ARHGEF7: variants seen among roughly 807,000 people sequenced by gnomAD.
The protein encoded by ARHGEF7 is PAK-interacting exchange factor beta.
A neutral mutation model predicts 109.8 loss-of-function variants in ARHGEF7; 33 were observed. That is an observed-to-expected ratio of 0.30 (90% CI 0.23 to 0.40). The LOEUF (loss-of-function observed/expected upper bound fraction) is 0.40, where lower values mean the gene tolerates loss of function less well. Ranked by LOEUF, ARHGEF7 falls within the 10% of genes least tolerant of loss-of-function variation. ARHGEF7 has a pLI of 1.00. For synonymous variants in ARHGEF7, 458 were observed against 424.6 expected, an observed-to-expected ratio of 1.08 and a Z score of -0.97; for missense variants, 938 against 1,098.5, an observed-to-expected ratio of 0.85 and a Z score of 2.07.
intron 1 of ARHGEF7, among the ~76,000 whole-genome samples, chr13:111,148,615 T>C (rs1236993327): frequency 6.6e-6 from 1 of 152,238 alleles, no homozygotes; most frequent in African/African-American, 2.4e-5. Context: ...TCCTCTCTCA[T>C]GATGGCCATT....
intron 6 of ARHGEF7, among the ~76,000 whole-genome samples, chr13:111,234,109 C>T (rs1372715164): frequency 6.6e-6 from 1 of 152,206 alleles, no homozygotes; most frequent in Non-Finnish European, 1.5e-5. Context: ...TCCCAATCTT[C>T]ATTTTCTTCT....
At chr13:111,163,324 G>A (rs2076888436) in intron 2 of ARHGEF7, among the ~76,000 whole-genome samples, 1 of 152,152 alleles carries the variant, frequency 6.6e-6, no homozygotes, top group South Asian at 2.1e-4. Context: ...GTACCTTAGT[G>A]CCTTGCTGTA....
At chr13:111,204,886 T>C (rs982362415) in intron 2 of ARHGEF7, among the ~76,000 whole-genome samples, 1 of 152,354 alleles carries the variant, frequency 6.6e-6, no homozygotes, top group East Asian at 1.9e-4. Flanking sequence ...TTATTTTCTG[T>C]GGCTAGGAAA....
At chr13:111,289,265 C>T (rs61018400) in intron 18 of ARHGEF7, among the ~76,000 whole-genome samples, 3,263 of 152,288 alleles carry the variant, frequency 0.021, 119 homozygotes, top group African/African-American at 0.075. Context: ...AACTCCTGAC[C>T]TCAGGTGATC....
chr13:111,210,315 A>C (rs1015079368), intron 4 of ARHGEF7, among the ~76,000 whole-genome samples: 4 of 152,336 alleles, frequency 2.6e-5, no homozygotes, highest in African/African-American at 7.2e-5. Context: ...ATTATCAGCT[A>C]TGCACATGTA....
intron 8 of ARHGEF7, among the ~76,000 whole-genome samples, chr13:111,254,638 C>A (rs1459872822): frequency 6.9e-5 from 9 of 130,550 alleles, no homozygotes; most frequent in Non-Finnish European, 1.5e-4. Context: ...AGGCCGGGCC[C>A]AGAAGAGGAT....
intron 2 of ARHGEF7, among the ~76,000 whole-genome samples, chr13:111,198,824 T>C (rs1650542001): frequency 6.6e-6 from 1 of 152,212 alleles, no homozygotes; most frequent in Admixed American, 6.5e-5. Context: ...GCCCACGTCC[T>C]GCTGATTGGT....
At chr13:111,246,830 A>T (rs2088936764) in intron 8 of ARHGEF7, among the ~76,000 whole-genome samples, 1 of 152,234 alleles carries the variant, frequency 6.6e-6, no homozygotes, top group Non-Finnish European at 1.5e-5. Context: ...ATGTGGTCTA[A>T]CAAATTATTA....
At chr13:111,280,053 G>A (rs554028658) in intron 13 of ARHGEF7, among the ~76,000 whole-genome samples, 12 of 152,170 alleles carry the variant, frequency 7.9e-5, no homozygotes, top group Admixed American at 6.5e-4. Context: ...GTCCCTTGTC[G>A]CCAGTTGAGT....
intron 8 of ARHGEF7, among the ~76,000 whole-genome samples, chr13:111,264,521 C>T (rs2091420188): frequency 6.6e-6 from 1 of 152,230 alleles, no homozygotes; most frequent in Middle Eastern, 3.4e-3. Flanking sequence ...CCTTAGCCTC[C>T]TTGTGCTGTG....
intron 5 of ARHGEF7, among the ~76,000 whole-genome samples, chr13:111,218,578 A>G (rs9522159): frequency 0.46 from 69,441 of 152,012 alleles, 16,582 homozygotes; most frequent in South Asian, 0.56. Context: ...ACAGTTCCTC[A>G]GATTCTGCTG....
At chr13:111,291,339 C>T (rs2093273030) in intron 18 of ARHGEF7, among the ~76,000 whole-genome samples, 1 of 152,278 alleles carries the variant, frequency 6.6e-6, no homozygotes, top group Non-Finnish European at 1.5e-5. Flanking sequence ...CCTTTTAACA[C>T]TGGGACGTTG....
At chr13:111,217,943 T>G in intron 5 of ARHGEF7, 63 bp downstream of exon 5, 1 of 1,474,598 alleles carries the variant, frequency 6.8e-7, no homozygotes, top group Non-Finnish European at 9.2e-7. Context: ...GTAAATGTAC[T>G]TGACATAGTG....
chr13:111,176,034 C>T (rs989304855), intron 2 of ARHGEF7, among the ~76,000 whole-genome samples: 1 of 152,162 alleles, frequency 6.6e-6, no homozygotes, highest in African/African-American at 2.4e-5. Context: ...GATTCAATTA[C>T]CTCCCACTGG....
intron 2 of ARHGEF7, among the ~76,000 whole-genome samples, chr13:111,183,683 G>T (rs1023250985): frequency 6.6e-5 from 10 of 152,056 alleles, no homozygotes; most frequent in African/African-American, 2.2e-4. Flanking sequence ...CCCCATTATG[G>T]CCTCTTTATG....
chr13:111,280,389 A>T, intron 14 of ARHGEF7, 39 bp downstream of exon 14: 2 of 1,594,412 alleles, frequency 1.3e-6, no homozygotes, highest in Admixed American at 1.7e-5. Context: ...TGTCTCGGGG[A>T]GGAGAGGCAG....
At chr13:111,174,748 G>C (rs770553668) in intron 2 of ARHGEF7, among the ~76,000 whole-genome samples, 2 of 152,332 alleles carry the variant, frequency 1.3e-5, no homozygotes, top group Non-Finnish European at 2.9e-5. Flanking sequence ...CTGTGCTAGC[G>C]GTCTGGTCCA....
chr13:111,212,376 T>A (rs1444057406), intron 4 of ARHGEF7, among the ~76,000 whole-genome samples: 1 of 152,122 alleles, frequency 6.6e-6, no homozygotes, highest in Non-Finnish European at 1.5e-5. Context: ...AGGCGCCAGT[T>A]GTAGATTTAG....
chr13:111,188,572 A>G (rs1454368428), intron 2 of ARHGEF7, among the ~76,000 whole-genome samples: 11 of 152,178 alleles, frequency 7.2e-5, no homozygotes, highest in Admixed American at 7.2e-4. Context: ...TTCAGGGCCG[A>G]CTTGCATTTG....
Sources: gnomAD v4.1 joint callset for allele counts (sites outside exome capture counted in the v4.1 genomes callset) on GRCh38, gnomAD v4.1.1 for gene constraint, MANE v1.5 for transcripts, NCBI Gene and HGNC (gene_info 2026-07-23, HGNC 2026-07-21) for gene names.